Variants in AKR1C3 observed in about 807,000 individuals in gnomAD.
The protein encoded by AKR1C3 is 3-alpha hydroxysteroid dehydrogenase, type II.
AKR1C3 carries 48 observed loss-of-function variants against 43.6 expected under a neutral mutation model. That is an observed-to-expected ratio of 1.10 (90% confidence interval 0.87 to 1.40). The LOEUF is 1.40. Ranked by LOEUF, AKR1C3 falls within the 40% of genes most tolerant of loss-of-function variation. The probability of loss-of-function intolerance (pLI) is 0.00; values close to 1 mark genes in which losing one functional copy is unlikely to be tolerated. For missense variants in AKR1C3, 482 were observed against 391.2 expected (o/e 1.23, Z -1.96); for synonymous variants, 162 against 139.6 (o/e 1.16, Z -1.13).
At chr10:5,055,294 A>G (rs1838236196) in intron 1 of AKR1C3, among the ~76,000 whole-genome samples, 1 of 152,194 alleles carries the variant, frequency 6.6e-6, no homozygotes, top group African/African-American at 2.4e-5. Flanking sequence ...TCTAGACTAT[A>G]ATTTGTTGGC....
At chr10:5,051,392 C>T (rs1686431058) in intron 1 of AKR1C3, among the ~76,000 whole-genome samples, 1 of 152,180 alleles carries the variant, frequency 6.6e-6, no homozygotes, top group Non-Finnish European at 1.5e-5. Context: ...CCACTATGCC[C>T]AGCTGACTTT....
intron 1 of AKR1C3, among the ~76,000 whole-genome samples, chr10:5,057,885 T>TGA (rs1554779794): frequency 6.6e-6 from 1 of 152,230 alleles, no homozygotes; most frequent in Non-Finnish European, 1.5e-5. Flanking sequence ...AACAGTAGCA[T>TGA]GACATCTCTC....
Position 5,105,431 on chromosome 10 carries a change from T to C in AKR1C3, c.847-164T>C, listed in dbSNP as rs587650350. On this transcript the variant is annotated intron_variant, in intron 7 of 8. Coordinates refer to ENST00000380554, the MANE Select transcript of AKR1C3 (RefSeq NM_003739.6). ...TCTAGGAATGGATTTCTGCTTATTT[T>C]TCGTGAGCTATTCATTGACCCACCT... is the stretch of plus-strand genomic sequence containing the variant. The C allele has an allele frequency of 4.9e-4, 258 of 531,206 alleles. 2 individuals carry two copies. In the South Asian group the frequency reaches 6.8e-3, roughly 14 times the overall value. The allele number at this position is 531,206 out of a possible 1,614,324, so 32.9% of individuals were successfully genotyped here.
intron 8 of AKR1C3, 82 bp downstream of exon 8, chr10:5,105,759 C>T (rs1448772497): frequency 4.0e-6 from 4 of 1,004,218 alleles, no homozygotes; most frequent in Non-Finnish European, 6.1e-6. Flanking sequence ...ACCTCCATAC[C>T]AGAGGGACAG....
intron 1 of AKR1C3, among the ~76,000 whole-genome samples, chr10:5,083,935 T>C: frequency 6.6e-6 from 1 of 152,228 alleles, no homozygotes; most frequent in South Asian, 2.1e-4. Flanking sequence ...GTTTGTTTTT[T>C]CCCTGTAAAT....
chr10:5,090,150 G>C (rs1420628859), upstream of AKR1C3, among the ~76,000 whole-genome samples: 1 of 152,094 alleles, frequency 6.6e-6, no homozygotes, highest in Non-Finnish European at 1.5e-5. Context: ...TCAAGTGATG[G>C]GATGGACCGT....
In AKR1C3 at chr10:5,056,220, C is replaced by A. The variant is rs553023967; in HGVS notation, c.84+7325C>A. Among the ~76,000 whole-genome samples the A allele has an allele frequency of 3.0e-4, 45 of 152,180 alleles. 1 individual carries two copies. The South Asian group carries it at 9.3e-3, about 32-fold the overall frequency. ...AAACAGATGAGGGCTATCCCTAAACCCTTGGGGCATGTAAGTTGGGATGTG... is the reference window on the plus strand; with the variant it reads ...AAACAGATGAGGGCTATCCCTAAACACTTGGGGCATGTAAGTTGGGATGTG... On this transcript the variant is annotated intron_variant, in intron 1 of 8. Coordinates refer to the AKR1C3 transcript ENST00000439082.
chr10:5,071,845 C>T (rs1554781355), intron 1 of AKR1C3, among the ~76,000 whole-genome samples: 1 of 152,306 alleles, frequency 6.6e-6, no homozygotes, highest in African/African-American at 2.4e-5. Flanking sequence ...TAATTTTCCG[C>T]TTGGCTGATT....
intron 1 of AKR1C3, among the ~76,000 whole-genome samples, chr10:5,068,466 A>G (rs1838553783): frequency 6.6e-6 from 1 of 151,770 alleles, no homozygotes; most frequent in African/African-American, 2.4e-5. Context: ...TGCCAAAATG[A>G]TGACTCAGAA....
intron 1 of AKR1C3, among the ~76,000 whole-genome samples, chr10:5,083,535 C>T (rs1838884364): frequency 6.6e-6 from 1 of 152,056 alleles, no homozygotes; most frequent in Admixed American, 6.5e-5. Context: ...CCGCTATAAA[C>T]ATACGTGTGC....
intron 1 of AKR1C3, among the ~76,000 whole-genome samples, chr10:5,085,278 A>G (rs1838936817): frequency 6.6e-6 from 1 of 151,826 alleles, no homozygotes; most frequent in African/African-American, 2.4e-5. Flanking sequence ...GAGAGTTTTT[A>G]GCATGAAGCG....
chr10:5,057,444 G>C (rs1248179745), intron 1 of AKR1C3, among the ~76,000 whole-genome samples: 4 of 152,124 alleles, frequency 2.6e-5, no homozygotes, highest in Admixed American at 1.3e-4. Context: ...GCTTGCTTTT[G>C]GAGCTTTCTC....
rs190804050 is a variant in AKR1C3, at chr10:5,086,156, A to G, written c.85-10254A>G. Reference sequence around the variant, plus strand: ...TTGCTCTTGCTTTTCTAGCTCTTTTAATTGTGATGTTAGGGTGTCAGTTTT... The same window carrying G: ...TTGCTCTTGCTTTTCTAGCTCTTTTGATTGTGATGTTAGGGTGTCAGTTTT... On this transcript the variant is annotated intron_variant, in intron 1 of 8. Transcript: ENST00000439082. Among the ~76,000 whole-genome samples, 261 of 151,578 alleles carry G rather than the reference A, an allele frequency of 1.7e-3. 6 individuals are homozygous for G. Among genetic ancestry groups the G allele is most frequent in the Middle Eastern group, 6.8e-3 (2 of 294 alleles).
At chr10:5,099,656 C>T (rs1396367156) in intron 5 of AKR1C3, 1 of 849,416 alleles carries the variant, frequency 1.2e-6, no homozygotes, top group East Asian at 2.8e-5. Flanking sequence ...GAGTTTAATG[C>T]TGAATCGTGT....
chr10:5,107,537 CCT>C lies in AKR1C3; in HGVS notation c.*35_*36del. 1 of 1,527,886 alleles carries C rather than the reference CCT, an allele frequency of 6.5e-7. No homozygotes were observed. The highest frequency in any genetic ancestry group is 9.1e-7 in the Non-Finnish European group (1 of 1,104,344). 94.6% of individuals were successfully genotyped at this position (1,527,886 alleles called of 1,614,324 possible). A position where few individuals can be genotyped will look rare whatever the true frequency, so the allele number is the denominator to read the frequency against. Reference sequence around the variant, plus strand: ...GCTTTGCCTGATGTCTACCAGAAGCCCTGTGTGTGGATGGTGACGCAGAGGAC... The same window carrying C: ...GCTTTGCCTGATGTCTACCAGAAGCCGTGTGTGGATGGTGACGCAGAGGAC... On this transcript the variant is annotated 3_prime_UTR_variant, in exon 9 of 9. Coordinates refer to ENST00000380554, the MANE Select transcript of AKR1C3 (RefSeq NM_003739.6).
chr10:5,097,305 A>G (rs1839229228), intron 2 of AKR1C3, 129 bp from the exon 3 acceptor site: 1 of 1,098,358 alleles, frequency 9.1e-7, no homozygotes, highest in Non-Finnish European at 1.3e-6. Flanking sequence ...ATGAGAAGGA[A>G]GAGAATATGT....
intron 1 of AKR1C3, among the ~76,000 whole-genome samples, chr10:5,054,340 G>A (rs767423040): frequency 2.0e-5 from 3 of 152,318 alleles, no homozygotes; most frequent in South Asian, 4.1e-4. Flanking sequence ...GGTTCCTGTA[G>A]CAGTAGCCAT....
Position 5,102,124 on chromosome 10 carries a change from C to T in AKR1C3, c.594C>T (p.Asn198=), listed in dbSNP as rs782398469. Residue 198 remains asparagine, a synonymous_variant, in exon 6 of 9, where the codon AAC becomes AAT. Coordinates refer to ENST00000380554, the MANE Select transcript of AKR1C3 (RefSeq NM_003739.6). ...AGGTAGAATGTCATCCGTATTTCAA[C>T]CGGAGTAAATTGCTAGATTTCTGCA... ...CNQVECHPYF[N]RSKLLDFCKS... The T allele has an allele frequency of 1.2e-6, 2 of 1,613,276 alleles. No individual in the cohort carries two copies. Among genetic ancestry groups the T allele is most frequent in the Non-Finnish European group, 8.5e-7 (1 of 1,179,338 alleles).
chr10:5,058,497 G>C (rs782261484), intron 1 of AKR1C3, among the ~76,000 whole-genome samples: 44 of 152,286 alleles, frequency 2.9e-4, no homozygotes, highest in Admixed American at 1.2e-3. Flanking sequence ...GGGTGAGCCT[G>C]TTGATGCCTG....
Sources: allele counts gnomAD v4.1 joint callset (sites outside exome capture counted in the v4.1 genomes callset), GRCh38; gene constraint gnomAD v4.1.1; transcripts MANE v1.5; gene names NCBI Gene and HGNC (gene_info 2026-07-23, HGNC 2026-07-21).